PCSK2: variants seen among roughly 807,000 people sequenced by gnomAD.
PCSK2 encodes the protein proprotein convertase subtilisin/kexin type 2.
PCSK2 carries 14 observed loss-of-function variants against 69.7 expected under a neutral mutation model. The observed-to-expected ratio is 0.20, with a 90% CI of 0.13 to 0.31. PCSK2 has a LOEUF of 0.31. Ranked by LOEUF, PCSK2 falls within the 10% of genes least tolerant of loss-of-function variation. The pLI is 1.00. For synonymous variants in PCSK2, 307 were observed against 320.7 expected, an observed-to-expected ratio of 0.96 and a Z score of 0.46; for missense variants, 544 against 842.5, an observed-to-expected ratio of 0.65 and a Z score of 4.39.
intron 6 of PCSK2, among the ~76,000 whole-genome samples, chr20:17,426,647 C>G (rs116909764): frequency 0.017 from 2,646 of 152,312 alleles, 36 homozygotes; most frequent in Admixed American, 0.041. Context: ...ACCCTGAGAG[C>G]CAATGGTCCA....
At chr20:17,305,304 A>G (rs1989292460) in intron 2 of PCSK2, among the ~76,000 whole-genome samples, 1 of 152,214 alleles carries the variant, frequency 6.6e-6, no homozygotes, top group African/African-American at 2.4e-5. Flanking sequence ...AGGGGACAGG[A>G]TAAGTCACTT....
At position 17,399,679 on chromosome 20, in the gene PCSK2, C is replaced by T. The variant is rs142486811; in HGVS notation, c.544-9584C>T. ...TGCAAGGAGCCACAGTCCTGCCGTG[C>T]GATGCCATGTTATTTAACATGAAAA... is the stretch of plus-strand genomic sequence containing the variant. On this transcript the variant is annotated intron_variant, in intron 5 of 11. Transcript: ENST00000262545. Among the ~76,000 whole-genome samples, 52 of 152,200 alleles carry T rather than the reference C, an allele frequency of 3.4e-4. No homozygotes were observed. In the East Asian group the frequency reaches 9.6e-3, roughly 28 times the overall value.
chr20:17,473,378 T>A (rs6075214), intron 11 of PCSK2, among the ~76,000 whole-genome samples: 22,462 of 152,136 alleles, frequency 0.15, 1,997 homozygotes, highest in Middle Eastern at 0.21. Context: ...GGCGTGAGCC[T>A]CCGCGCCTGA....
At chr20:17,423,716 GA>G (rs1208716801) in intron 6 of PCSK2, among the ~76,000 whole-genome samples, 1 of 151,700 alleles carries the variant, frequency 6.6e-6, no homozygotes, top group Non-Finnish European at 1.5e-5. Context: ...AAATTTTATG[GA>G]AAAAAAGGCT....
intron 6 of PCSK2, among the ~76,000 whole-genome samples, chr20:17,418,775 A>C (rs1194015731): frequency 1.3e-5 from 2 of 152,178 alleles, no homozygotes; most frequent in Non-Finnish European, 2.9e-5. Context: ...CATAGGCACC[A>C]AATCCGATGC....
In PCSK2 at chr20:17,355,338, C is replaced by T. The variant is rs73255618; in HGVS notation, c.283-2989C>T. 2.8e-3 allele frequency among the ~76,000 whole-genome samples: 422 copies of T among 152,194 alleles called. 1 individual carries two copies. The highest frequency in any genetic ancestry group is 9.6e-3 in the African/African-American group (400 of 41,512). The stretch of plus-strand genomic sequence containing the variant: ...CCATGTGATAGTTGCTCTTGCTCCC[C>T]GAAGATCCTCTCAGGGAAGTTATTT... On this transcript the variant is annotated intron_variant, in intron 2 of 11. Transcript: ENST00000262545.
At chr20:17,450,218 C>CG (rs1488477607) in intron 8 of PCSK2, among the ~76,000 whole-genome samples, 5 of 151,256 alleles carry the variant, frequency 3.3e-5, no homozygotes, top group South Asian at 2.1e-4. Flanking sequence ...TTAGTAGAGA[C>CG]GGGGTTTCAC....
chr20:17,396,902 G>T lies in PCSK2; in HGVS notation c.544-12361G>T, dbSNP rs187335536. ...TCAGCAGTGAAGGCCTCTAGGAAAT[G>T]GGAGAAATCCAACCAGGCTGGAACA... On this transcript the variant is annotated intron_variant, in intron 5 of 11. Transcript: ENST00000262545. Among the ~76,000 whole-genome samples, 5 of 152,322 alleles carry T rather than the reference G, an allele frequency of 3.3e-5. No individual in the cohort carries two copies. The East Asian group carries it at 9.6e-4, about 29-fold the overall frequency.
chr20:17,258,685 T>C (rs1987268041), intron 1 of PCSK2, among the ~76,000 whole-genome samples: 1 of 151,250 alleles, frequency 6.6e-6, no homozygotes, highest in Non-Finnish European at 1.5e-5. Flanking sequence ...AATAAAAATT[T>C]GAAAAAAGGA....
At chr20:17,244,851 G>C (rs1986713137) in intron 1 of PCSK2, among the ~76,000 whole-genome samples, 1 of 152,198 alleles carries the variant, frequency 6.6e-6, no homozygotes, top group African/African-American at 2.4e-5. Context: ...CTTTAAGTAA[G>C]CACTTGCTTT....
At chr20:17,410,375 G>A (rs766175898) in intron 6 of PCSK2, among the ~76,000 whole-genome samples, 4 of 152,156 alleles carry the variant, frequency 2.6e-5, no homozygotes, top group Non-Finnish European at 4.4e-5. Context: ...ATATGTTCAA[G>A]GGTAGAGCCT....
chr20:17,478,461 A>G (rs570937797), intron 11 of PCSK2, among the ~76,000 whole-genome samples: 5 of 152,238 alleles, frequency 3.3e-5, no homozygotes, highest in Admixed American at 6.5e-5. Flanking sequence ...AATTCAGTTT[A>G]CCAGATTTAA....
At chr20:17,384,425 CAAAAAAAAAAAA>C (rs11478291) in intron 5 of PCSK2, among the ~76,000 whole-genome samples, 1 of 106,548 alleles carries the variant, frequency 9.4e-6, no homozygotes, top group Admixed American at 1.0e-4. Context: ...CCATATCTAC[CAAAAAAAAAAAA>C]AAAAAAAATA....
At chr20:17,262,235 T>C (rs967243239) in intron 2 of PCSK2, among the ~76,000 whole-genome samples, 1 of 152,228 alleles carries the variant, frequency 6.6e-6, no homozygotes, top group South Asian at 2.1e-4. Flanking sequence ...CTATTTCCCC[T>C]TCATTATCTA....
intron 2 of PCSK2, among the ~76,000 whole-genome samples, chr20:17,311,812 A>G (rs1248752937): frequency 2.6e-5 from 4 of 152,040 alleles, no homozygotes; most frequent in Non-Finnish European, 4.4e-5. Context: ...ACTTGATTTT[A>G]TAGGTTTAGT....
intron 1 of PCSK2, among the ~76,000 whole-genome samples, chr20:17,251,709 A>G (rs2122977527): frequency 6.6e-6 from 1 of 152,272 alleles, no homozygotes; most frequent in South Asian, 2.1e-4. Context: ...ACCAACCCAA[A>G]ATTTGGTGGT....
At chr20:17,413,716 C>T (rs987431488) in intron 6 of PCSK2, among the ~76,000 whole-genome samples, 10 of 152,218 alleles carry the variant, frequency 6.6e-5, no homozygotes, top group African/African-American at 2.4e-4. Context: ...CACCCCAAAT[C>T]AACAGAATAT....
At chr20:17,363,608 G>T (rs571144305) in intron 4 of PCSK2, among the ~76,000 whole-genome samples, 2 of 152,286 alleles carry the variant, frequency 1.3e-5, no homozygotes, top group East Asian at 3.9e-4. Flanking sequence ...AGGGCAGATG[G>T]CTGGTTCTCA....
intron 3 of PCSK2, among the ~76,000 whole-genome samples, chr20:17,359,981 G>A (rs981793061): frequency 6.6e-6 from 1 of 152,176 alleles, no homozygotes; most frequent in African/African-American, 2.4e-5. Context: ...CACTAAAGGT[G>A]AGCCAGTTTT....
Sources: gnomAD v4.1 joint callset for allele counts (sites outside exome capture counted in the v4.1 genomes callset) on GRCh38, gnomAD v4.1.1 for gene constraint, MANE v1.5 for transcripts, NCBI Gene and HGNC (gene_info 2026-07-23, HGNC 2026-07-21) for gene names.